Variants in AAMDC observed in about 807,000 individuals in gnomAD.
The protein encoded by AAMDC is mth938 domain-containing protein.
A neutral mutation model predicts 15.5 loss-of-function variants in AAMDC; 16 were observed. That is an observed-to-expected ratio of 1.03 (90% confidence interval 0.70 to 1.57). The LOEUF is 1.57. Ranked by LOEUF, AAMDC falls within the 40% of genes most tolerant of loss-of-function variation. The pLI, the probability that AAMDC is intolerant of heterozygous loss-of-function variation, is 0.00. For missense variants in AAMDC, 141 were observed against 144.9 expected (o/e 0.97, Z 0.14); for synonymous variants, 51 against 51.6 (o/e 0.99, Z 0.05).
chr11:77,868,822 C>T (rs767448068), intron 2 of AAMDC: 7 of 211,424 alleles, frequency 3.3e-5, no homozygotes, highest in South Asian at 2.0e-4. Context: ...AATTTGAACC[C>T]GGGTACCTTT....
At chr11:77,830,162 A>G (rs1488143954) in intron 1 of AAMDC, 1 of 152,254 alleles carries the variant, frequency 6.6e-6, no homozygotes, top group African/African-American at 2.4e-5. Context: ...TCAAAAGACA[A>G]CCTACAAAAT....
At chr11:77,890,149 A>C (rs547322958) in intron 5 of AAMDC, among the ~76,000 whole-genome samples, 8 of 152,334 alleles carry the variant, frequency 5.3e-5, no homozygotes, top group South Asian at 4.1e-4. Flanking sequence ...AATGTGGAAA[A>C]AAACAAACAA....
chr11:77,834,914 A>G (rs1009459537), intron 1 of AAMDC, among the ~76,000 whole-genome samples: 2 of 152,214 alleles, frequency 1.3e-5, no homozygotes, highest in African/African-American at 4.8e-5. Flanking sequence ...AGTGGAATAC[A>G]GAAGTTAAAA....
intron 2 of AAMDC, among the ~76,000 whole-genome samples, chr11:77,858,672 G>A (rs764767698): frequency 2.6e-5 from 4 of 152,066 alleles, no homozygotes; most frequent in East Asian, 1.9e-4. Context: ...GAGGTTGGCC[G>A]ATGACCGCTC....
intron 2 of AAMDC, among the ~76,000 whole-genome samples, chr11:77,858,281 A>C (rs984037492): frequency 2.9e-3 from 273 of 94,412 alleles, no homozygotes; most frequent in Middle Eastern, 0.016. Context: ...TACAACCTCC[A>C]CCTCCTGCGT....
intron 1 of AAMDC, among the ~76,000 whole-genome samples, chr11:77,827,043 T>G (rs755557638): frequency 1.3e-5 from 2 of 151,914 alleles, no homozygotes; most frequent in Admixed American, 6.6e-5. Flanking sequence ...AGGCAGAGGT[T>G]GCAGTGAGCT....
rs868734236 is a variant in AAMDC at position 77,864,302 on chromosome 11, G to A, written c.133-5420G>A. ...CTACTAAAAATACAAAAATTAGCCA[G>A]GCATGGTGGCACATGCCTGTAATCC... is the stretch of plus-strand genomic sequence containing the variant. On this transcript the variant is annotated intron_variant, in intron 2 of 3. Transcript: ENST00000393427. 3.9e-5 allele frequency among the ~76,000 whole-genome samples: 6 copies of A among 151,928 alleles called. No individual in the cohort carries two copies. In the South Asian group the frequency reaches 1.2e-3, roughly 32 times the overall value.
chr11:77,828,637 C>A (rs1471754853), intron 1 of AAMDC, among the ~76,000 whole-genome samples: 1 of 148,148 alleles, frequency 6.8e-6, no homozygotes, highest in African/African-American at 2.5e-5. Context: ...CACCACTGCA[C>A]TGCGCCTGGG....
At chr11:77,832,720 A>C (rs1949490865) in intron 1 of AAMDC, among the ~76,000 whole-genome samples, 2 of 150,166 alleles carry the variant, frequency 1.3e-5, no homozygotes, top group African/African-American at 2.4e-5. Context: ...AAGTCCTCCT[A>C]CTCCCCAGTT....
chr11:77,828,943 T>C (rs1949300404), intron 1 of AAMDC, among the ~76,000 whole-genome samples: 1 of 152,162 alleles, frequency 6.6e-6, no homozygotes, highest in Admixed American at 6.5e-5. Flanking sequence ...ATGAACAAAG[T>C]TGAAGGACTC....
At chr11:77,903,830 A>G (rs1380637742), downstream of AAMDC, among the ~76,000 whole-genome samples, 4 of 152,270 alleles carry the variant, frequency 2.6e-5, no homozygotes, top group Middle Eastern at 3.4e-3. Flanking sequence ...ATTTGATCCA[A>G]TTCTTGGCCC....
chr11:77,841,769 T>C (rs1385394038), intron 1 of AAMDC, among the ~76,000 whole-genome samples: 1 of 152,156 alleles, frequency 6.6e-6, no homozygotes, highest in African/African-American at 2.4e-5. Context: ...AAATTCCTGT[T>C]AAATCCCACC....
At chr11:77,887,568 C>A (rs924611043) in intron 5 of AAMDC, among the ~76,000 whole-genome samples, 1 of 152,220 alleles carries the variant, frequency 6.6e-6, no homozygotes, top group Non-Finnish European at 1.5e-5. Flanking sequence ...GAAGTGCTGG[C>A]CAGGGCAATT....
intron 5 of AAMDC, among the ~76,000 whole-genome samples, chr11:77,887,574 C>A (rs1952069853): frequency 6.6e-6 from 1 of 151,960 alleles, no homozygotes; most frequent in Admixed American, 6.6e-5. Context: ...CTGGCCAGGG[C>A]AATTAGGTAG....
intron 5 of AAMDC, among the ~76,000 whole-genome samples, chr11:77,881,585 C>T (rs1951793285): frequency 6.6e-6 from 1 of 152,200 alleles, no homozygotes. Context: ...TACTAATTTC[C>T]ACTGCAGAGT....
At chr11:77,879,205 A>T (rs1951696939) in intron 5 of AAMDC, 37 of 1,499,708 alleles carry the variant, frequency 2.5e-5, no homozygotes, top group South Asian at 1.9e-4. Flanking sequence ...TTAAAGAAAT[A>T]TCAAAATGGA....
chr11:77,839,807 T>G (rs974322694), intron 1 of AAMDC, among the ~76,000 whole-genome samples: 1 of 151,544 alleles, frequency 6.6e-6, no homozygotes, highest in African/African-American at 2.4e-5. Flanking sequence ...CAACACACAC[T>G]GGGGCTTGCT....
chr11:77,861,809 G>T (rs1402225138), intron 2 of AAMDC, among the ~76,000 whole-genome samples: 1 of 152,060 alleles, frequency 6.6e-6, no homozygotes, highest in East Asian at 1.9e-4. Context: ...TATCCCATTT[G>T]TCCCGTTCTG....
intron 1 of AAMDC, among the ~76,000 whole-genome samples, 187 bp from the exon 2 acceptor site, chr11:77,842,292 A>G (rs1172755610): frequency 6.6e-6 from 1 of 152,156 alleles, no homozygotes; most frequent in African/African-American, 2.4e-5. Context: ...TCTGGTTTCT[A>G]TGGTTGGATG....
Sources: allele counts gnomAD v4.1 joint callset (sites outside exome capture counted in the v4.1 genomes callset), GRCh38; gene constraint gnomAD v4.1.1; transcripts MANE v1.5; gene names NCBI Gene and HGNC (gene_info 2026-07-23, HGNC 2026-07-21).